The following PAG1 variants were observed in gnomAD, a reference collection of about 807,000 sequenced individuals.
PAG1 encodes phosphoprotein associated with glycosphingolipid-enriched microdomains 1.
PAG1 carries 23 observed loss-of-function variants against 31.7 expected under a neutral mutation model. The observed-to-expected ratio is 0.73, with a 90% CI of 0.52 to 1.03. The LOEUF (loss-of-function observed/expected upper bound fraction) is 1.03, where lower values mean the gene tolerates loss of function less well. PAG1 is among the 50% of genes least tolerant of loss of function. The pLI is 0.00. For missense variants in PAG1, 473 were observed against 540.7 expected, an observed-to-expected ratio of 0.87 and a Z score of 1.24; for synonymous variants, 214 against 210.3, an observed-to-expected ratio of 1.02 and a Z score of -0.15.
chr8:81,013,696 C>T (rs889535901), intron 3 of PAG1, among the ~76,000 whole-genome samples: 20 of 152,298 alleles, frequency 1.3e-4, no homozygotes, highest in Middle Eastern at 3.4e-3. Flanking sequence ...TCTCCTGCCT[C>T]AGCCTCTGGA....
At position 81,073,965 on chromosome 8, in the gene PAG1, G is replaced by C. The variant is rs187865690; in HGVS notation, c.-233-3795C>G. ...ACTGGCCCCTCCATGTGCCCACCTT[G>C]GGCACCCCTCAGAGAGCTACAGCAT... On this transcript the variant is annotated intron_variant, in intron 1 of 8. Coordinates refer to ENST00000220597, the MANE Select transcript of PAG1 (RefSeq NM_018440.4). 3.1e-3 allele frequency among the ~76,000 whole-genome samples: 467 copies of C among 152,262 alleles called. 2 individuals are homozygous for C. The highest frequency in any genetic ancestry group is 0.011 in the African/African-American group (440 of 41,530).
chr8:81,008,798 C>T (rs1807930782), intron 3 of PAG1, among the ~76,000 whole-genome samples: 1 of 152,064 alleles, frequency 6.6e-6, no homozygotes. Flanking sequence ...GTCCTACTGA[C>T]ATGAGCTCAG....
chr8:80,979,437 T>TG (rs1294948463), intron 8 of PAG1, among the ~76,000 whole-genome samples: 1 of 152,136 alleles, frequency 6.6e-6, no homozygotes, highest in Admixed American at 6.5e-5. Context: ...TCTTGGCAAT[T>TG]GACTGTGTTG....
intron 3 of PAG1, among the ~76,000 whole-genome samples, chr8:81,025,376 T>C (rs1808257323): frequency 6.6e-6 from 1 of 152,180 alleles, no homozygotes; most frequent in South Asian, 2.1e-4. Flanking sequence ...CTTTGTTTGT[T>C]TTCTCTTTTG....
chr8:80,987,577 A>G (rs1807451772), intron 5 of PAG1, 111 bp from the exon 6 acceptor site: 1 of 709,214 alleles, frequency 1.4e-6, no homozygotes, highest in Admixed American at 2.2e-5. Flanking sequence ...CAGCAGAAAC[A>G]GAAAACAGAA....
intron 2 of PAG1, among the ~76,000 whole-genome samples, chr8:81,035,448 C>T (rs1432237658): frequency 1.3e-5 from 2 of 152,162 alleles, no homozygotes. Flanking sequence ...AATAACATCT[C>T]AACATGGGAG....
At chr8:80,991,999 A>T (rs1045824365) in intron 4 of PAG1, among the ~76,000 whole-genome samples, 1 of 152,096 alleles carries the variant, frequency 6.6e-6, no homozygotes, top group Non-Finnish European at 1.5e-5. Flanking sequence ...ATGTACTTCC[A>T]GTCTATGGGA....
chr8:81,070,651 T>A (rs571491847), intron 1 of PAG1, among the ~76,000 whole-genome samples: 3 of 144,406 alleles, frequency 2.1e-5, no homozygotes, highest in African/African-American at 5.2e-5. Flanking sequence ...GAAAGTCTTT[T>A]CAGCACAAAA....
intron 2 of PAG1, among the ~76,000 whole-genome samples, chr8:81,030,466 T>C (rs1469196543): frequency 6.6e-6 from 1 of 152,240 alleles, no homozygotes; most frequent in African/African-American, 2.4e-5. Flanking sequence ...GTTTTCTGAA[T>C]TTGAAATAAA....
At chr8:81,076,167 C>T (rs1168999375) in intron 1 of PAG1, among the ~76,000 whole-genome samples, 2 of 152,238 alleles carry the variant, frequency 1.3e-5, no homozygotes, top group Non-Finnish European at 2.9e-5. Flanking sequence ...CTGATCCTTT[C>T]CCACACCAAG....
intron 1 of PAG1, among the ~76,000 whole-genome samples, chr8:81,087,751 T>G (rs571699810): frequency 2.6e-5 from 4 of 152,206 alleles, no homozygotes; most frequent in Admixed American, 6.5e-5. Flanking sequence ...TGTGGCTCTG[T>G]GGCTGCAGGA....
chr8:81,077,799 T>A (rs1334446595), intron 1 of PAG1, among the ~76,000 whole-genome samples: 1 of 152,226 alleles, frequency 6.6e-6, no homozygotes, highest in Non-Finnish European at 1.5e-5. Context: ...AATGTTTAGA[T>A]TGGTTAGAGA....
rs144226093 is a variant in PAG1, at chr8:80,985,023, G to C, written c.629C>G (p.Ser210Trp). 3.7e-6 allele frequency: 6 copies of C among 1,614,072 alleles called. No individual in the cohort carries two copies. The South Asian group carries it at 5.5e-5, about 15-fold the overall frequency. Residue 210 changes from serine to tryptophan, a missense_variant, in exon 7 of 9, where the codon TCG becomes TGG. Transcript: ENST00000220597. ...HSGKAKSTSA[S>W]KELPGPQTEG... Reference sequence around the variant, plus strand: ...AGTCTGGGGCCCTGGGAGCTCTTTCGAGGCAGAAGTAGATTTTGCCTTGCC... The same window carrying C: ...AGTCTGGGGCCCTGGGAGCTCTTTCCAGGCAGAAGTAGATTTTGCCTTGCC...
In PAG1 at chr8:81,002,849, A is replaced by T. The variant is rs193110344; in HGVS notation, c.-80-9542T>A. ...ATTGTGAATTACTTAGGGCTGGGGA[A>T]ATGTTTCAAGAGAGACTAGCTTGAT... On this transcript the variant is annotated intron_variant, in intron 3 of 8. Coordinates refer to ENST00000220597, the MANE Select transcript of PAG1 (RefSeq NM_018440.4). Among the ~76,000 whole-genome samples, 281 of 152,362 alleles carry T rather than the reference A, an allele frequency of 1.8e-3. 1 individual carries two copies. Among genetic ancestry groups the T allele is most frequent in the African/African-American group, 4.4e-3 (184 of 41,590 alleles).
chr8:81,098,908 T>C (rs558747508), intron 1 of PAG1, among the ~76,000 whole-genome samples: 1 of 152,314 alleles, frequency 6.6e-6, no homozygotes, highest in East Asian at 1.9e-4. Flanking sequence ...TAGTTTGAAA[T>C]GCAATATCCT....
At chr8:81,099,165 T>C (rs1809572027) in intron 1 of PAG1, among the ~76,000 whole-genome samples, 1 of 152,214 alleles carries the variant, frequency 6.6e-6, no homozygotes, top group African/African-American at 2.4e-5. Context: ...GTATTACCTT[T>C]CTAAAAGCTG....
At chr8:81,027,674 G>C (rs576143807) in intron 3 of PAG1, among the ~76,000 whole-genome samples, 1 of 152,254 alleles carries the variant, frequency 6.6e-6, no homozygotes, top group East Asian at 1.9e-4. Flanking sequence ...GGGAGGCCGA[G>C]GCAGGCGGAT....
At position 80,968,286 on chromosome 8, in the gene PAG1, A is replaced by C. The variant is rs1807004542; in HGVS notation, c.*8258T>G. The C allele has an allele frequency of 6.6e-6, 1 of 152,238 alleles. No individual in the cohort carries two copies. The highest frequency in any genetic ancestry group is 1.9e-4 in the East Asian group (1 of 5,204). 9.4% of individuals were successfully genotyped at this position (152,238 alleles called of 1,614,324 possible). A position where few individuals can be genotyped will look rare whatever the true frequency, so the allele number is the denominator to read the frequency against. On this transcript the variant is annotated 3_prime_UTR_variant, in exon 9 of 9. Transcript: ENST00000220597. ...TGTCCCCATAACATCTCTATGAGGT[A>C]GGCAATGGTTAGTATCATTATCCCC...
rs57277145 is a variant in PAG1, at chr8:80,987,048, T to C, written c.274+322A>G. The stretch of plus-strand genomic sequence containing the variant: ...GTCACCTTTAAATTGTGAGGAGTAA[T>C]AATACCTATCTTACAGAGTAGTGTT... On this transcript the variant is annotated intron_variant, in intron 6 of 8. Coordinates refer to ENST00000220597, the MANE Select transcript of PAG1 (RefSeq NM_018440.4). 4.5e-3 allele frequency among the ~76,000 whole-genome samples: 681 copies of C among 152,304 alleles called. 31 individuals are homozygous for C. The East Asian group carries it at 0.11, about 24-fold the overall frequency.
Sources: allele counts gnomAD v4.1 joint callset (sites outside exome capture counted in the v4.1 genomes callset), GRCh38; gene constraint gnomAD v4.1.1; transcripts MANE v1.5; gene names NCBI Gene and HGNC (gene_info 2026-07-23, HGNC 2026-07-21).